Variants in ACVR1B observed in about 807,000 individuals in gnomAD.
ACVR1B encodes activin receptor type-1B.
ACVR1B carries 15 observed loss-of-function variants against 55.6 expected under a neutral mutation model. The ratio of observed to expected loss-of-function variants is 0.27; its 90% CI spans 0.18 to 0.42. The LOEUF is 0.42. ACVR1B is among the 10% of genes least tolerant of loss of function. The pLI is 1.00. For missense variants in ACVR1B, 359 were observed against 670.1 expected (o/e 0.54, Z 5.13); for synonymous variants, 247 against 254.6 (o/e 0.97, Z 0.28).
At position 51,994,231 on chromosome 12, in the gene ACVR1B, C is replaced by T. The variant is rs1942255506; in HGVS notation, c.*121C>T. ...AGCCCTCTGTGGCCAGGAGCCCTGG[C>T]CCGCAAGAGGGACAGAGCCCGGGAG... On this transcript the variant is annotated 3_prime_UTR_variant, in exon 9 of 9. Transcript: ENST00000257963. This position sits in a 1 kb window ranked among gnomAD's most constrained non-coding sequence, Gnocchi z 4.2. 2 of 1,437,152 alleles carry T rather than the reference C, an allele frequency of 1.4e-6. No homozygotes were observed. Among genetic ancestry groups the T allele is most frequent in the Non-Finnish European group, 1.9e-6 (2 of 1,066,260 alleles). The allele number at this position is 1,437,152 out of a possible 1,614,324, so 89.0% of individuals were successfully genotyped here.
At chr12:51,971,006 C>T (rs1472755878) in intron 1 of ACVR1B, among the ~76,000 whole-genome samples, 1 of 152,088 alleles carries the variant, frequency 6.6e-6, no homozygotes, top group African/African-American at 2.4e-5. Flanking sequence ...CTGCACACTC[C>T]CACACCCCTC....
Position 51,975,489 on chromosome 12 carries a change from T to C in ACVR1B, c.316T>C (p.Leu106=). The part of the protein sequence containing the change: ...CYTDYCNRID[L]RVPSGHLKEP... ...CACTGACTACTGCAACAGGATCGAC[T>C]TGAGGGTGCCCAGTGGTGAGTGCAT... The change falls in exon 2 of 9, where the codon TTG becomes CTG. Residue 106 remains leucine (L), a synonymous_variant. Transcript: ENST00000257963. The C allele has an allele frequency of 6.2e-7, 1 of 1,614,024 alleles. No individual in the cohort carries two copies. Among genetic ancestry groups the C allele is most frequent in the Non-Finnish European group, 8.5e-7 (1 of 1,179,852 alleles).
chr12:51,972,756 T>C (rs1200753764), intron 1 of ACVR1B, among the ~76,000 whole-genome samples: 1 of 152,202 alleles, frequency 6.6e-6, no homozygotes, highest in Admixed American at 6.5e-5. Flanking sequence ...GCGGTGGTAG[T>C]TATCTTTAAA....
At chr12:51,970,759 A>T (rs961621498) in intron 1 of ACVR1B, among the ~76,000 whole-genome samples, 1 of 152,240 alleles carries the variant, frequency 6.6e-6, no homozygotes, top group African/African-American at 2.4e-5. Flanking sequence ...GAGTAAGGGC[A>T]GAACTAGAAG....
At chr12:51,969,060 G>A (rs1565613789) in intron 1 of ACVR1B, among the ~76,000 whole-genome samples, 1 of 152,176 alleles carries the variant, frequency 6.6e-6, no homozygotes, top group African/African-American at 2.4e-5. Flanking sequence ...AAATGTAAGC[G>A]TGAGTAAGCC....
intron 1 of ACVR1B, among the ~76,000 whole-genome samples, chr12:51,953,676 G>A (rs149933291): frequency 5.3e-5 from 8 of 151,844 alleles, no homozygotes; most frequent in African/African-American, 1.9e-4. Context: ...CCTCATATAG[G>A]AATTTTTATC....
rs535391299 is a variant in ACVR1B at position 51,983,226 on chromosome 12, C to T, written c.812-773C>T. Among the ~76,000 whole-genome samples, 28 of 152,304 alleles carry T rather than the reference C, an allele frequency of 1.8e-4. No individual in the cohort carries two copies. The South Asian group carries it at 5.2e-3, about 28-fold the overall frequency. On this transcript the variant is annotated intron_variant, in intron 4 of 8. Coordinates refer to ENST00000257963, the MANE Select transcript of ACVR1B (RefSeq NM_004302.5). Reference sequence around the variant, plus strand: ...CAATTGACAACGGCATGGCTTAATTCGATTCCTGGCTTTGGTGTTTCTTTT... The same window carrying T: ...CAATTGACAACGGCATGGCTTAATTTGATTCCTGGCTTTGGTGTTTCTTTT...
chr12:51,992,521 C>T (rs1437872799), intron 8 of ACVR1B, among the ~76,000 whole-genome samples: 1 of 152,174 alleles, frequency 6.6e-6, no homozygotes, highest in East Asian at 1.9e-4. Flanking sequence ...AAGGACAAGG[C>T]TTTGTCTCCA....
At chr12:51,976,214 A>G in intron 2 of ACVR1B, 113 bp from the exon 3 acceptor site, 2 of 1,276,710 alleles carry the variant, frequency 1.6e-6, no homozygotes, top group Non-Finnish European at 2.2e-6. Flanking sequence ...GGGAGCCTGA[A>G]CACATCGACA....
At chr12:51,968,185 A>G (rs1251669590) in intron 1 of ACVR1B, among the ~76,000 whole-genome samples, 2 of 152,220 alleles carry the variant, frequency 1.3e-5, no homozygotes, top group Non-Finnish European at 2.9e-5. Flanking sequence ...GTGAGCTGAG[A>G]TTGCACCATG....
chr12:51,951,893 C>G, intron 1 of ACVR1B, 59 bp downstream of exon 1: 1 of 1,099,606 alleles, frequency 9.1e-7, no homozygotes, highest in East Asian at 3.4e-5. Flanking sequence ...AGGGCGAGGC[C>G]TCGAGCCGCG....
intron 1 of ACVR1B, among the ~76,000 whole-genome samples, chr12:51,970,900 A>G (rs1309779711): frequency 6.6e-6 from 1 of 152,186 alleles, no homozygotes; most frequent in African/African-American, 2.4e-5. Flanking sequence ...TATAGCTTCA[A>G]AAAAGTTTTA....
At chr12:51,957,564 C>G (rs1305416672) in intron 1 of ACVR1B, among the ~76,000 whole-genome samples, 1 of 151,946 alleles carries the variant, frequency 6.6e-6, no homozygotes, top group Admixed American at 6.6e-5. Flanking sequence ...TGCCACCATA[C>G]CCGGCTAATG....
chr12:51,975,511 G>A lies in ACVR1B; in HGVS notation c.331+7G>A, dbSNP rs772569915. 1 of 1,607,186 alleles carries A rather than the reference G, an allele frequency of 6.2e-7. No individual in the cohort carries two copies. Among genetic ancestry groups the A allele is most frequent in the South Asian group, 1.1e-5 (1 of 90,966 alleles). ...GACTTGAGGGTGCCCAGTGGTGAGT[G>A]CATGCCCTTGTTGGGCTAGTGGCTC... On this transcript the variant is annotated splice_region_variant and intron_variant, in intron 2 of 8. Coordinates refer to ENST00000257963, the MANE Select transcript of ACVR1B (RefSeq NM_004302.5).
intron 1 of ACVR1B, among the ~76,000 whole-genome samples, chr12:51,966,768 G>T (rs1941649134): frequency 6.6e-6 from 1 of 152,154 alleles, no homozygotes; most frequent in South Asian, 2.1e-4. Flanking sequence ...GTTTGAGCCA[G>T]TTGTTAATTT....
intron 8 of ACVR1B, 48 bp from the exon 9 acceptor site, chr12:51,993,937 G>A: frequency 3.7e-6 from 6 of 1,607,414 alleles, no homozygotes; most frequent in Non-Finnish European, 5.1e-6. Context: ...GACCAGAAAG[G>A]CTTCTCCAGG....
intron 1 of ACVR1B, among the ~76,000 whole-genome samples, chr12:51,972,068 G>A (rs1241936090): frequency 6.6e-6 from 1 of 152,098 alleles, no homozygotes; most frequent in African/African-American, 2.4e-5. Context: ...TACATTGAGG[G>A]GGGGATTAAT....
At chr12:51,973,452 A>G (rs1941786106) in intron 1 of ACVR1B, among the ~76,000 whole-genome samples, 1 of 152,218 alleles carries the variant, frequency 6.6e-6, no homozygotes, top group South Asian at 2.1e-4. Context: ...CTTTCTTAAG[A>G]TTCCAGTGTG....
rs1746958083 is a variant in ACVR1B, at chr12:51,962,916, T to TA, written c.91+11083dup. The stretch of plus-strand genomic sequence containing the variant: ...GCACAGTGCTATTTGCCAGGTGCTG[T>TA]ACTAGATACCAGTGAGAAACTGTTG... On this transcript the variant is annotated intron_variant, in intron 1 of 8. Transcript: ENST00000257963. Among the ~76,000 whole-genome samples, 3 of 152,230 alleles carry TA rather than the reference T, an allele frequency of 2.0e-5. No homozygotes were observed. In the South Asian group the frequency reaches 6.2e-4, roughly 31 times the overall value.
Sources: allele counts gnomAD v4.1 joint callset (sites outside exome capture counted in the v4.1 genomes callset), GRCh38; gene constraint gnomAD v4.1.1; non-coding constraint Gnocchi (gnomAD v3.1); transcripts MANE v1.5; gene names NCBI Gene and HGNC (gene_info 2026-07-23, HGNC 2026-07-21).